ENPEP: variants seen among roughly 807,000 people sequenced by gnomAD.
The protein encoded by ENPEP is AP-A.
ENPEP carries 103 observed loss-of-function variants against 114.5 expected under a neutral mutation model. The ratio of observed to expected loss-of-function variants is 0.90; its 90% CI spans 0.77 to 1.06. The LOEUF is 1.06. Among genes scored for constraint, ENPEP ranks in the 50% least tolerant of loss-of-function variants. The pLI is 0.00. For missense variants in ENPEP, 1,196 were observed against 1,161.3 expected, an observed-to-expected ratio of 1.03 and a Z score of -0.43; for synonymous variants, 420 against 422.0, an observed-to-expected ratio of 1.00 and a Z score of 0.06.
Position 110,505,864 on chromosome 4 carries a change from C to T in ENPEP, c.919-773C>T, listed in dbSNP as rs190706922. Among the ~76,000 whole-genome samples the T allele has an allele frequency of 3.2e-4, 49 of 152,256 alleles. 1 individual carries two copies. The East Asian group carries it at 7.5e-3, about 23-fold the overall frequency. On this transcript the variant is annotated intron_variant, in intron 3 of 19. Coordinates refer to ENST00000265162, the MANE Select transcript of ENPEP (RefSeq NM_001977.4). Reference sequence around the variant, plus strand: ...TTTCCAGAGACCACATCTACTTTCACGACACTATGTTGAAGAGGATTCTTG... The same window carrying T: ...TTTCCAGAGACCACATCTACTTTCATGACACTATGTTGAAGAGGATTCTTG...
intron 6 of ENPEP, chr4:110,512,470 C>G (rs1725612748): frequency 6.6e-6 from 1 of 152,216 alleles, no homozygotes; most frequent in South Asian, 2.1e-4. Context: ...TCTTGATTGG[C>G]AGTCATCACT....
At chr4:110,550,836 A>C (rs1727261176) in intron 17 of ENPEP, among the ~76,000 whole-genome samples, 1 of 152,110 alleles carries the variant, frequency 6.6e-6, no homozygotes, top group Non-Finnish European at 1.5e-5. Flanking sequence ...ATGCAATACC[A>C]ATTTAAAAGG....
In ENPEP at chr4:110,476,569, G is replaced by A; in HGVS notation, c.155G>A (p.Gly52Asp). Residue 52 changes from glycine (G) to aspartate (D), a missense_variant, in exon 1 of 20, where the codon GGC becomes GAC. Physicochemically the swap from Gly to Asp is moderately conservative, Grantham distance 94. Coordinates refer to ENST00000265162, the MANE Select transcript of ENPEP (RefSeq NM_001977.4). Reference protein sequence around the residue: ...SCDSSGDGGPGTAPAPSHLPS... With the variant: ...SCDSSGDGGPDTAPAPSHLPS... ...GACTCCAGCGGGGACGGCGGGCCGG[G>A]CACTGCGCCAGCTCCTTCCCACCTG... is the stretch of plus-strand genomic sequence containing the variant. 3.1e-6 allele frequency: 5 copies of A among 1,613,558 alleles called. No individual in the cohort carries two copies. Among genetic ancestry groups the A allele is most frequent in the Non-Finnish European group, 4.2e-6 (5 of 1,179,616 alleles).
At chr4:110,545,708 A>G (rs1369776583) in intron 13 of ENPEP, among the ~76,000 whole-genome samples, 2 of 151,822 alleles carry the variant, frequency 1.3e-5, no homozygotes, top group Admixed American at 1.3e-4. Context: ...TTGTGTTTTT[A>G]TGGGATTTTT....
At position 110,480,071 on chromosome 4, in the gene ENPEP, G is replaced by T. The variant is rs141006075; in HGVS notation, c.644+3013G>T. Among the ~76,000 whole-genome samples, 44 of 152,304 alleles carry T rather than the reference G, an allele frequency of 2.9e-4. 1 individual carries two copies. The highest frequency in any genetic ancestry group is 9.9e-4 in the African/African-American group (41 of 41,570). Reference sequence around the variant, plus strand: ...AACTTTTGATTGGAGATTACGAAATGATGGCAACATCGGTGAGGAAGGCTG... The same window carrying T: ...AACTTTTGATTGGAGATTACGAAATTATGGCAACATCGGTGAGGAAGGCTG... On this transcript the variant is annotated intron_variant, in intron 1 of 19. Coordinates refer to ENST00000265162, the MANE Select transcript of ENPEP (RefSeq NM_001977.4).
chr4:110,503,235 G>T (rs10015807), intron 3 of ENPEP, among the ~76,000 whole-genome samples: 1 of 151,912 alleles, frequency 6.6e-6, no homozygotes, highest in African/African-American at 2.4e-5. Context: ...GACATGAACT[G>T]GATGTTTTCT....
At chr4:110,482,168 T>C (rs867828059) in intron 1 of ENPEP, among the ~76,000 whole-genome samples, 1 of 152,088 alleles carries the variant, frequency 6.6e-6, no homozygotes, top group Non-Finnish European at 1.5e-5. Context: ...ATGAAAGATA[T>C]TGCAGCAATC....
intron 1 of ENPEP, among the ~76,000 whole-genome samples, chr4:110,480,041 G>C (rs146474453): frequency 2.1e-3 from 326 of 152,270 alleles, no homozygotes; most frequent in African/African-American, 7.6e-3. Context: ...AAGCTCAGTT[G>C]ACTTAACTTT....
chr4:110,514,618 T>C (rs566480063), intron 7 of ENPEP, among the ~76,000 whole-genome samples: 2 of 152,248 alleles, frequency 1.3e-5, no homozygotes, highest in East Asian at 3.9e-4. Context: ...TAAATAAATG[T>C]TTCTAGGCCT....
chr4:110,481,616 C>T (rs568660766), intron 1 of ENPEP, among the ~76,000 whole-genome samples: 8 of 152,172 alleles, frequency 5.3e-5, no homozygotes, highest in Non-Finnish European at 1.2e-4. Context: ...GCTTCTCTCC[C>T]ATAAACGAGC....
chr4:110,489,589 AAG>A (rs1350682071), intron 2 of ENPEP, among the ~76,000 whole-genome samples: 1 of 152,180 alleles, frequency 6.6e-6, no homozygotes, highest in Non-Finnish European at 1.5e-5. Flanking sequence ...AAATTAAAAA[AAG>A]AAAAAAGAGA....
intron 8 of ENPEP, 185 bp downstream of exon 8, chr4:110,515,627 T>C (rs2110359060): frequency 1.6e-6 from 1 of 628,450 alleles, no homozygotes; most frequent in East Asian, 2.9e-5. Flanking sequence ...GTATCTGTAA[T>C]GATCATTTAG....
In ENPEP at chr4:110,476,756, C is replaced by T. The variant is rs368458365; in HGVS notation, c.342C>T (p.Thr114=). The T allele has an allele frequency of 6.2e-6, 10 of 1,614,102 alleles. No individual in the cohort carries two copies. In the African/African-American group the frequency reaches 1.2e-4, roughly 19 times the overall value. ...LHVKPLLEED[T]YTGTVSISIN... ...TGAAGCCCCTGTTGGAGGAGGACAC[C>T]TACACGGGCACCGTGAGCATCTCCA... The change falls in exon 1 of 20, where the codon ACC becomes ACT. Residue 114 remains threonine, a synonymous_variant. Coordinates refer to ENST00000265162, the MANE Select transcript of ENPEP (RefSeq NM_001977.4).
chr4:110,527,967 C>T (rs1359520497), intron 10 of ENPEP, among the ~76,000 whole-genome samples: 3 of 152,088 alleles, frequency 2.0e-5, no homozygotes, highest in African/African-American at 7.2e-5. Context: ...ACAAACCAAA[C>T]AATTTTACTG....
chr4:110,503,401 C>T (rs537553808), intron 3 of ENPEP, among the ~76,000 whole-genome samples: 1 of 152,160 alleles, frequency 6.6e-6, no homozygotes, highest in African/African-American at 2.4e-5. Flanking sequence ...TTGGTTCTTT[C>T]TTATAACGGT....
At position 110,549,348 on chromosome 4, in the gene ENPEP, A is replaced by G. The variant is rs1443194750; in HGVS notation, c.2154A>G (p.Glu718=). The G allele has an allele frequency of 6.2e-7, 1 of 1,612,302 alleles. No homozygotes were observed. Residue 718 remains glutamate, a splice_region_variant and synonymous_variant, in exon 15 of 20, where the codon GAA becomes GAG. Coordinates refer to ENST00000265162, the MANE Select transcript of ENPEP (RefSeq NM_001977.4). ...DDKELYPMIE[E]YFQGQVKPIA... is the part of the protein sequence containing the mutation. ...TGTACATAATACTTTTATTTCAGGA[A>G]TACTTCCAAGGTCAAGTGAAGCCTA...
chr4:110,560,586 CG>C (rs1266488459), intron 19 of ENPEP, among the ~76,000 whole-genome samples: 1 of 151,956 alleles, frequency 6.6e-6, no homozygotes, highest in Non-Finnish European at 1.5e-5. Context: ...GTTGAGGTGG[CG>C]GGGGGCTGAG....
At position 110,491,088 on chromosome 4, in the gene ENPEP, C is replaced by T; in HGVS notation, c.842C>T (p.Pro281Leu). 1 of 1,612,692 alleles carries T rather than the reference C, an allele frequency of 6.2e-7. No homozygotes were observed. Among genetic ancestry groups the T allele is most frequent in the Non-Finnish European group, 8.5e-7 (1 of 1,179,918 alleles). ...WTRTTFEKSVPMSTYLVCFAV... is the reference protein window; with the variant it reads ...WTRTTFEKSVLMSTYLVCFAV... ...CGAACAACTTTTGAGAAGTCTGTCC[C>T]CATGAGCACGTACCTGGTGTGCTTT... Residue 281 changes from proline (P) to leucine (L), a missense_variant, in exon 3 of 20, where the codon CCC becomes CTC. By Grantham distance (98) the Pro-to-Leu change is moderately conservative (BLOSUM62 -3). Coordinates refer to ENST00000265162, the MANE Select transcript of ENPEP (RefSeq NM_001977.4).
intron 6 of ENPEP, 112 bp from the exon 7 acceptor site, chr4:110,513,303 A>C: frequency 8.3e-7 from 1 of 1,210,710 alleles, no homozygotes; most frequent in Non-Finnish European, 1.1e-6. Context: ...TGTTTAAGTA[A>C]CTTAAGTCAT....
Sources: gnomAD v4.1 joint callset for allele counts (sites outside exome capture counted in the v4.1 genomes callset) on GRCh38, gnomAD v4.1.1 for gene constraint, MANE v1.5 for transcripts, NCBI Gene and HGNC (gene_info 2026-07-23, HGNC 2026-07-21) for gene names.